Variants in CEP350 observed in about 807,000 individuals in gnomAD.
The protein encoded by CEP350 is centrosome-associated protein 350.
A neutral mutation model predicts 331.8 loss-of-function variants in CEP350; 126 were observed. The observed-to-expected ratio is 0.38, with a 90% CI of 0.33 to 0.44. The LOEUF is 0.44. Among genes scored for constraint, CEP350 ranks in the 20% least tolerant of loss-of-function variants. The pLI is 1.00. For missense variants in CEP350, 3,406 were observed against 3,634.6 expected, an observed-to-expected ratio of 0.94 and a Z score of 1.62; for synonymous variants, 1,200 against 1,259.5, an observed-to-expected ratio of 0.95 and a Z score of 1.00.
chr1:180,014,353 C>A lies in CEP350; in HGVS notation c.1900C>A (p.Arg634=), dbSNP rs144522842. 1.9e-5 allele frequency: 31 copies of A among 1,591,794 alleles called. No individual in the cohort carries two copies. In the South Asian group the frequency reaches 3.5e-4, roughly 18 times the overall value. ...QKNKRLQELY[R]KQKEAFTKVK... ...AAACAAACGATTACAAGAGCTCTAC[C>A]GGAAGCAGAAGGAAGCCTTTACTAA... Residue 634 remains arginine (R), a synonymous_variant, in exon 10 of 38, where the codon CGG becomes AGG. Coordinates refer to ENST00000367607, the MANE Select transcript of CEP350 (RefSeq NM_014810.5).
rs867814442 is a variant in CEP350 at position 180,091,239 on chromosome 1, G to A, written c.6508+443G>A. 8.2e-4 allele frequency among the ~76,000 whole-genome samples: 124 copies of A among 150,980 alleles called. 1 individual carries two copies. Among genetic ancestry groups the A allele is most frequent in the African/African-American group, 2.9e-3 (119 of 41,064 alleles). On this transcript the variant is annotated intron_variant, in intron 33 of 37. Transcript: ENST00000367607. ...CACCGTTGTTGCCCAGGCTGGTCTC[G>A]AACTCTTGGACTCACGCAGTCCTCC...
Position 180,020,870 on chromosome 1 carries a change from G to A in CEP350, c.3096G>A (p.Gln1032=). ...RNSYEPIKEF[Q]KEAEKFLPLF... ...GTTATGAACCCATCAAAGAGTTTCA[G>A]AAAGAAGCTGAAAAATTCTTGCCAC... is the stretch of plus-strand genomic sequence containing the variant. Residue 1032 remains glutamine (Q), a synonymous_variant, in exon 12 of 38, where the codon CAG becomes CAA. Coordinates refer to ENST00000367607, the MANE Select transcript of CEP350 (RefSeq NM_014810.5). 1 of 1,613,630 alleles carries A rather than the reference G, an allele frequency of 6.2e-7. No individual in the cohort carries two copies. The highest frequency in any genetic ancestry group is 8.5e-7 in the Non-Finnish European group (1 of 1,179,858).
At chr1:180,017,394 G>C (rs879734292) in intron 11 of CEP350, among the ~76,000 whole-genome samples, 28 of 152,262 alleles carry the variant, frequency 1.8e-4, no homozygotes, top group South Asian at 4.2e-4. Flanking sequence ...TGTCGTCTCT[G>C]GAGAGGATTG....
chr1:180,078,341 C>G (rs577606120), intron 28 of CEP350, 122 bp from the exon 29 acceptor site: 101 of 669,660 alleles, frequency 1.5e-4, no homozygotes, highest in African/African-American at 1.2e-3. Context: ...CTATGACTCT[C>G]CTGTTTGTGG....
chr1:180,052,366 C>A (rs1255883525), intron 22 of CEP350: 6 of 355,082 alleles, frequency 1.7e-5, no homozygotes, highest in Middle Eastern at 1.7e-3. Context: ...AAATATCATT[C>A]TTTAATAAAA....
At chr1:180,031,538 T>A in intron 15 of CEP350, 44 bp downstream of exon 15, 2 of 938,948 alleles carry the variant, frequency 2.1e-6, no homozygotes, top group Non-Finnish European at 2.8e-6. Context: ...ATTAAAGATA[T>A]ATAATTGATA....
intron 37 of CEP350, among the ~76,000 whole-genome samples, chr1:180,101,055 A>C (rs189382025): frequency 3.9e-5 from 6 of 152,334 alleles, no homozygotes; most frequent in African/African-American, 1.4e-4. Context: ...TCTAACAGTT[A>C]TCAGAAATTC....
chr1:180,111,083 C>T lies in CEP350; in HGVS notation c.9276C>T (p.Ile3092=), dbSNP rs1661448298. 1 of 1,613,854 alleles carries T rather than the reference C, an allele frequency of 6.2e-7. No homozygotes were observed. Among genetic ancestry groups the T allele is most frequent in the Non-Finnish European group, 8.5e-7 (1 of 1,179,888 alleles). ...LCVKMQLADG[I]FETLIKDTID... is the part of the protein sequence containing the mutation. ...TGAAAATGCAGCTAGCCGACGGGAT[C>T]TTTGAGACCCTGATCAAAGATACTA... is the stretch of plus-strand genomic sequence containing the variant. Residue 3092 remains isoleucine, a synonymous_variant, in exon 38 of 38, where the codon ATC becomes ATT. Transcript: ENST00000367607.
intron 28 of CEP350, among the ~76,000 whole-genome samples, chr1:180,077,949 A>G (rs1380272560): frequency 3.3e-5 from 5 of 152,154 alleles, no homozygotes; most frequent in Non-Finnish European, 7.4e-5. Flanking sequence ...CCTGGCCGCC[A>G]TGGTGAAACC....
At chr1:179,985,295 C>CTCCAGATTCT (rs1652573018) in intron 1 of CEP350, among the ~76,000 whole-genome samples, 1 of 152,110 alleles carries the variant, frequency 6.6e-6, no homozygotes, top group Non-Finnish European at 1.5e-5. Flanking sequence ...GTATAATGTC[C>CTCCAGATTCT]TCCAGATTCT....
rs781760889 is a variant in CEP350, at chr1:180,054,563, A to G, written c.5262+61A>G. 2.4e-5 allele frequency: 29 copies of G among 1,233,850 alleles called. 1 individual carries two copies. The highest frequency in any genetic ancestry group is 2.9e-5 in the Non-Finnish European group (25 of 858,512). The allele number at this position is 1,233,850 out of a possible 1,614,324, so 76.4% of individuals were successfully genotyped here. A position where few individuals can be genotyped will look rare whatever the true frequency, so the allele number is the denominator to read the frequency against. On this transcript the variant is annotated intron_variant, in intron 25 of 37. Transcript: ENST00000367607. ...TAAGGCAAGTTAGTTTGTGGAATCTATTATTTTGCCTGATTTCTTTTCCTT... is the reference window on the plus strand; with the variant it reads ...TAAGGCAAGTTAGTTTGTGGAATCTGTTATTTTGCCTGATTTCTTTTCCTT...
chr1:180,093,307 C>T lies in CEP350; in HGVS notation c.7202C>T (p.Ser2401Phe). 6.3e-7 allele frequency: 1 copy of T among 1,598,126 alleles called. No homozygotes were observed. Among genetic ancestry groups the T allele is most frequent in the Non-Finnish European group, 8.5e-7 (1 of 1,171,700 alleles). The change falls in exon 34 of 38, where the codon TCT (serine) becomes TTT (phenylalanine). Residue 2401 changes from serine (S) to phenylalanine (F), a missense_variant. Ser to Phe is a radical substitution (Grantham distance 155). Coordinates refer to ENST00000367607, the MANE Select transcript of CEP350 (RefSeq NM_014810.5). ...TACAAAGATGATTTTGAGGTGTCATCTTTGCTGTCACTCAGGAAAGACTCT... is the reference window on the plus strand; with the variant it reads ...TACAAAGATGATTTTGAGGTGTCATTTTTGCTGTCACTCAGGAAAGACTCT... ...ELYKDDFEVS[S>F]LLSLRKDSQS...
Position 179,955,025 on chromosome 1 carries a change from C to T in CEP350, c.-131C>T. 3.8e-6 allele frequency: 5 copies of T among 1,332,592 alleles called. No homozygotes were observed. Among genetic ancestry groups the T allele is most frequent in the African/African-American group, 1.5e-5 (1 of 65,036 alleles). The allele number at this position is 1,332,592 out of a possible 1,614,324, so 82.5% of individuals were successfully genotyped here. On this transcript the variant is annotated 5_prime_UTR_variant, in exon 1 of 38. Transcript: ENST00000367607. ...TGCGAGGAGGGCACCCGGTGCGTCC[C>T]CGGAGCGGGGAGGCCAGGCCGGGCA... is the stretch of plus-strand genomic sequence containing the variant.
At chr1:179,995,449 A>C (rs1269118705) in intron 5 of CEP350, among the ~76,000 whole-genome samples, 1 of 152,172 alleles carries the variant, frequency 6.6e-6, no homozygotes, top group Non-Finnish European at 1.5e-5. Context: ...TACTAAAAAT[A>C]GAAAAGTTAG....
In CEP350 at chr1:180,093,839, A is replaced by G. The variant is rs778535554; in HGVS notation, c.7734A>G (p.Glu2578=). The G allele has an allele frequency of 1.2e-5, 20 of 1,613,942 alleles. No individual in the cohort carries two copies. The South Asian group carries it at 2.2e-4, about 18-fold the overall frequency. ...TTGATGACTATGTAGACATTAATGA[A>G]GATGAAGACTGTTACTCAGATGAAC... The part of the protein sequence containing the change: ...ENFDDYVDIN[E]DEDCYSDERY... The change falls in exon 34 of 38, where the codon GAA becomes GAG. Residue 2578 remains glutamate, a synonymous_variant. Transcript: ENST00000367607.
intron 9 of CEP350, among the ~76,000 whole-genome samples, chr1:180,012,680 G>A (rs190024904): frequency 3.3e-5 from 5 of 152,212 alleles, no homozygotes; most frequent in Admixed American, 2.6e-4. Flanking sequence ...CTTTTCAGCA[G>A]CCAAATTTGT....
rs775221058 is a variant in CEP350 at position 180,054,436 on chromosome 1, G to A, written c.5196G>A (p.Glu1732=). The A allele has an allele frequency of 1.3e-4, 206 of 1,597,224 alleles. No individual in the cohort carries two copies. The highest frequency in any genetic ancestry group is 1.7e-4 in the Non-Finnish European group (201 of 1,171,500). Residue 1732 remains glutamate (E), a synonymous_variant, in exon 25 of 38, where the codon GAG becomes GAA. Transcript: ENST00000367607. ...GCAGACATCTACGAGACAAAGGAGA[G>A]GATGATAAAATGCCCCCGCTCCGGA... ...HQKKHLRDKG[E]DDKMPPLRKK... is the part of the protein sequence containing the mutation.
rs1470516304 is a variant in CEP350, at chr1:180,020,839, G to A, written c.3065G>A (p.Arg1022Lys). 1 of 1,613,324 alleles carries A rather than the reference G, an allele frequency of 6.2e-7. No individual in the cohort carries two copies. Among genetic ancestry groups the A allele is most frequent in the African/African-American group, 1.3e-5 (1 of 74,922 alleles). Residue 1022 changes from arginine to lysine, a missense_variant, in exon 12 of 38, where the codon AGA (arginine) becomes AAA (lysine). By Grantham distance (26) the Arg-to-Lys change is conservative. Coordinates refer to ENST00000367607, the MANE Select transcript of CEP350 (RefSeq NM_014810.5). ...LKEKEFCPGERNSYEPIKEFQ... is the reference protein window; with the variant it reads ...LKEKEFCPGEKNSYEPIKEFQ... ...GAAAAGGAATTTTGTCCTGGAGAAA[G>A]AAATAGTTATGAACCCATCAAAGAG...
Position 180,093,242 on chromosome 1 carries a change from T to C in CEP350, c.7137T>C (p.Phe2379=). 2 of 1,602,208 alleles carry C rather than the reference T, an allele frequency of 1.2e-6. No individual in the cohort carries two copies. The highest frequency in any genetic ancestry group is 2.2e-5 in the East Asian group (1 of 44,752). ...AAGAGATACCATACTCTGAAGATTT[T>C]GAAGTGTCTTCTTTCAAGAAAGAAA... ...APKEIPYSED[F]EVSSFKKEIS... Residue 2379 remains phenylalanine (F), a synonymous_variant, in exon 34 of 38, where the codon TTT becomes TTC. Coordinates refer to ENST00000367607, the MANE Select transcript of CEP350 (RefSeq NM_014810.5).
Sources: allele counts gnomAD v4.1 joint callset (sites outside exome capture counted in the v4.1 genomes callset), GRCh38; gene constraint gnomAD v4.1.1; transcripts MANE v1.5; gene names NCBI Gene and HGNC (gene_info 2026-07-23, HGNC 2026-07-21).